Variants in SIK3 observed in about 807,000 individuals in gnomAD.
SIK3 encodes the protein serine/threonine-protein kinase SIK3.
SIK3 carries 28 observed loss-of-function variants against 144.2 expected under a neutral mutation model. That is an observed-to-expected ratio of 0.19 (90% CI 0.14 to 0.27). The LOEUF (loss-of-function observed/expected upper bound fraction) is 0.27. Ranked by LOEUF, SIK3 falls within the 10% of genes least tolerant of loss-of-function variation. The pLI is 1.00. For missense variants in SIK3, 1,319 were observed against 1,776.0 expected (o/e 0.74, Z 4.62); for synonymous variants, 686 against 676.3 (o/e 1.01, Z -0.22).
chr11:116,875,614 G>A (rs1177459314), intron 9 of SIK3, 163 bp from the exon 10 acceptor site: 1 of 812,818 alleles, frequency 1.2e-6, no homozygotes, highest in East Asian at 2.7e-5. Flanking sequence ...CCTGTGAAGA[G>A]GATAGCATCG....
intron 22 of SIK3, among the ~76,000 whole-genome samples, chr11:116,848,480 GA>G (rs1942176674): frequency 1.3e-5 from 2 of 152,274 alleles, no homozygotes; most frequent in South Asian, 4.1e-4. Flanking sequence ...ACCACCCTAG[GA>G]AAACAAAACT....
At chr11:117,073,900 G>A (rs1004820359) in intron 1 of SIK3, among the ~76,000 whole-genome samples, 1 of 152,170 alleles carries the variant, frequency 6.6e-6, no homozygotes, top group Admixed American at 6.6e-5. Context: ...TATGGCCTAT[G>A]TTCTTGTTTT....
chr11:116,931,205 G>A (rs754333838), intron 3 of SIK3, among the ~76,000 whole-genome samples: 7 of 152,158 alleles, frequency 4.6e-5, no homozygotes, highest in African/African-American at 1.7e-4. Flanking sequence ...TAGAAGTACA[G>A]GAAATCGATT....
chr11:116,943,371 A>G (rs1041661801), intron 3 of SIK3, among the ~76,000 whole-genome samples: 1 of 152,056 alleles, frequency 6.6e-6, no homozygotes, highest in Non-Finnish European at 1.5e-5. Flanking sequence ...CGGGGCCAAC[A>G]CCTCCCATTG....
At chr11:116,918,960 A>C (rs1364217501) in intron 4 of SIK3, among the ~76,000 whole-genome samples, 1 of 152,196 alleles carries the variant, frequency 6.6e-6, no homozygotes, top group Non-Finnish European at 1.5e-5. Context: ...GGGCAAGAAC[A>C]CAGGTCTAGC....
Position 116,966,140 on chromosome 11 carries a change from A to G in SIK3, c.274-9076T>C, listed in dbSNP as rs183370178. Among the ~76,000 whole-genome samples the G allele has an allele frequency of 1.9e-3, 286 of 152,290 alleles. 2 individuals carry two copies. Among genetic ancestry groups the G allele is most frequent in the African/African-American group, 6.5e-3 (268 of 41,546 alleles). ...AGAACACTGTCTAAGAAAGTGGCAT[A>G]ATGACAAAATAGGCCGGCCTGGTGG... On this transcript the variant is annotated intron_variant, in intron 1 of 24. Coordinates refer to ENST00000445177, the MANE Select transcript of SIK3 (RefSeq NM_001366686.3).
chr11:117,008,550 G>C (rs998481569), intron 1 of SIK3, among the ~76,000 whole-genome samples: 3 of 152,120 alleles, frequency 2.0e-5, no homozygotes, highest in Admixed American at 6.5e-5. Flanking sequence ...ATTCAATTAA[G>C]GACACAGGGT....
intron 1 of SIK3, among the ~76,000 whole-genome samples, chr11:117,001,773 C>A (rs150594957): frequency 6.6e-6 from 1 of 152,294 alleles, no homozygotes; most frequent in East Asian, 1.9e-4. Context: ...TTATTTCTTG[C>A]TTGAATGATT....
chr11:116,915,555 G>T (rs1006547801), intron 4 of SIK3, among the ~76,000 whole-genome samples: 60 of 150,834 alleles, frequency 4.0e-4, no homozygotes, highest in African/African-American at 1.4e-3. Flanking sequence ...AATCAAACTG[G>T]ATATAATATA....
At chr11:116,948,800 C>T (rs1484559534) in intron 3 of SIK3, among the ~76,000 whole-genome samples, 2 of 150,830 alleles carry the variant, frequency 1.3e-5, no homozygotes, top group Non-Finnish European at 3.0e-5. Context: ...TTCCTTCTTT[C>T]TGCTTGGCTT....
chr11:117,021,550 T>C (rs1431761049), intron 1 of SIK3, among the ~76,000 whole-genome samples: 1 of 152,200 alleles, frequency 6.6e-6, no homozygotes, highest in Non-Finnish European at 1.5e-5. Flanking sequence ...CATACAGATC[T>C]CTGTTTATTA....
At position 116,876,321 on chromosome 11, in the gene SIK3, C is replaced by T. The variant is rs148955504; in HGVS notation, c.1027G>A (p.Asp343Asn). The T allele has an allele frequency of 3.1e-6, 5 of 1,614,094 alleles. No homozygotes were observed. Among genetic ancestry groups the T allele is most frequent in the Non-Finnish European group, 4.2e-6 (5 of 1,180,042 alleles). Residue 343 changes from aspartate to asparagine, a missense_variant, in exon 8 of 25, where the codon GAC becomes AAC. Physicochemically the swap from Asp to Asn is conservative, Grantham distance 23. This residue lies in a region of SIK3 where 109 missense variants were observed against 109.3 expected (regional missense o/e 1.00). Coordinates refer to ENST00000445177, the MANE Select transcript of SIK3 (RefSeq NM_001366686.3). ...CQQLKEERQV[D>N]PLNEDVLLAM... ...AAGAGGACATCCTCATTCAGGGGGT[C>T]CACCTGTCTTTCTTCCTTTAGTTGT... is the stretch of plus-strand genomic sequence containing the variant.
At chr11:116,933,146 T>C (rs1947712498) in intron 3 of SIK3, among the ~76,000 whole-genome samples, 1 of 151,308 alleles carries the variant, frequency 6.6e-6, no homozygotes, top group Non-Finnish European at 1.5e-5. Flanking sequence ...CCTTTTTTTT[T>C]TTTTTTTCTT....
intron 4 of SIK3, among the ~76,000 whole-genome samples, chr11:116,917,737 G>A (rs1591318481): frequency 7.8e-6 from 1 of 128,736 alleles, no homozygotes; most frequent in South Asian, 2.6e-4. Flanking sequence ...AAGGGAAAGA[G>A]AGAGAGAGAG....
chr11:116,943,634 C>T (rs1305916207), intron 3 of SIK3, among the ~76,000 whole-genome samples: 1 of 152,154 alleles, frequency 6.6e-6, no homozygotes, highest in Non-Finnish European at 1.5e-5. Context: ...ATTCTGCCAT[C>T]ACCTAGGGAA....
At chr11:116,901,380 G>A (rs1046505585) in intron 4 of SIK3, among the ~76,000 whole-genome samples, 2 of 152,128 alleles carry the variant, frequency 1.3e-5, no homozygotes, top group African/African-American at 4.8e-5. Context: ...ACTGACAATG[G>A]CAGCTGGCCA....
At chr11:116,879,128 T>A (rs1048119078) in intron 6 of SIK3, among the ~76,000 whole-genome samples, 1 of 152,210 alleles carries the variant, frequency 6.6e-6, no homozygotes. Context: ...CTACTGAATA[T>A]GTAAATAAAT....
At chr11:116,851,615 T>G (rs1441131678) in intron 21 of SIK3, among the ~76,000 whole-genome samples, 1 of 152,172 alleles carries the variant, frequency 6.6e-6, no homozygotes, top group East Asian at 1.9e-4. Context: ...AGAAATCTTT[T>G]GAAAGTTCTC....
At chr11:116,857,621 T>C (rs895069109) in intron 21 of SIK3, 189 bp downstream of exon 21, 2 of 892,582 alleles carry the variant, frequency 2.2e-6, no homozygotes, top group Non-Finnish European at 3.2e-6. Flanking sequence ...TCATGGTCCT[T>C]TGATTTTGAA....
Sources: gnomAD v4.1 joint callset for allele counts (sites outside exome capture counted in the v4.1 genomes callset) on GRCh38, gnomAD v4.1.1 for gene constraint, gnomAD v4.1.1 regional missense constraint, MANE v1.5 for transcripts, NCBI Gene and HGNC (gene_info 2026-07-23, HGNC 2026-07-21) for gene names.